Variants in FSTL4 observed in about 807,000 individuals in gnomAD.
The protein encoded by FSTL4 is follistatin like 4.
FSTL4 carries 28 observed loss-of-function variants against 78.2 expected under a neutral mutation model. The observed-to-expected ratio is 0.36, with a 90% CI of 0.27 to 0.49. The LOEUF (loss-of-function observed/expected upper bound fraction) is 0.49, where lower values mean the gene tolerates loss of function less well. Among genes scored for constraint, FSTL4 ranks in the 20% least tolerant of loss-of-function variants. The pLI, the probability that FSTL4 is intolerant of heterozygous loss-of-function variation, is 0.98. For missense variants in FSTL4, 922 were observed against 1,084.9 expected (o/e 0.85, Z 2.11); for synonymous variants, 422 against 440.5 (o/e 0.96, Z 0.53).
the FSTL4 span, among the ~76,000 whole-genome samples, chr5:133,708,352 G>A: frequency 3.3e-5 from 5 of 152,134 alleles, no homozygotes; most frequent in African/African-American, 7.2e-5. Context: ...TCCAGGACCC[G>A]CTGTGGGTGG....
chr5:133,632,608 G>T, the FSTL4 span, among the ~76,000 whole-genome samples: 2 of 152,110 alleles, frequency 1.3e-5, no homozygotes, highest in Non-Finnish European at 2.9e-5. Context: ...GTTGACAGTT[G>T]TTATTCTTTC....
At chr5:133,466,308 C>T (rs569026081) in intron 3 of FSTL4, among the ~76,000 whole-genome samples, 35 of 152,208 alleles carry the variant, frequency 2.3e-4, no homozygotes, top group East Asian at 1.5e-3. Flanking sequence ...TTTGGGAGGC[C>T]GAGGCGGGCA....
chr5:133,380,799 T>C (rs919056624), intron 4 of FSTL4, among the ~76,000 whole-genome samples: 1 of 146,276 alleles, frequency 6.8e-6, no homozygotes, highest in Non-Finnish European at 1.5e-5. Context: ...TATCCAGCAA[T>C]ATATAAAATA....
intron 14 of FSTL4, 93 bp from the exon 15 acceptor site, chr5:133,202,135 G>A: frequency 8.1e-6 from 6 of 736,658 alleles, no homozygotes; most frequent in Non-Finnish European, 1.4e-5. Flanking sequence ...CACCCCGGCA[G>A]AGGGGTGCTT....
At chr5:133,712,445 G>A in the FSTL4 span, among the ~76,000 whole-genome samples, 1 of 152,206 alleles carries the variant, frequency 6.6e-6, no homozygotes, top group South Asian at 2.1e-4. Flanking sequence ...TGATTTCAGA[G>A]CTGGGTTGAC....
chr5:133,400,920 C>T lies in FSTL4; in HGVS notation c.227G>A (p.Cys76Tyr), dbSNP rs1756207896. ...CTCCCCTGTCTTCCTGCTGAGCACGCACCGGCTCCCTCGGCTGCAGAACTT... is the reference window on the plus strand; with the variant it reads ...CTCCCCTGTCTTCCTGCTGAGCACGTACCGGCTCCCTCGGCTGCAGAACTT... Reference protein sequence around the residue: ...GKKFCSRGSRCVLSRKTGEPE... With the variant: ...GKKFCSRGSRYVLSRKTGEPE... The change falls in exon 4 of 16, where the codon TGC becomes TAC. Residue 76 changes from cysteine (C) to tyrosine (Y), a missense_variant. By Grantham distance (194) the Cys-to-Tyr change is radical. Transcript: ENST00000265342. 1 of 1,613,624 alleles carries T rather than the reference C, an allele frequency of 6.2e-7. No homozygotes were observed. Among genetic ancestry groups the T allele is most frequent in the South Asian group, 1.1e-5 (1 of 91,086 alleles).
intron 12 of FSTL4, among the ~76,000 whole-genome samples, chr5:133,218,695 T>G (rs536699129): frequency 6.6e-6 from 1 of 152,232 alleles, no homozygotes; most frequent in Non-Finnish European, 1.5e-5. Flanking sequence ...CTACAGGGTT[T>G]ATTTTCTCAT....
rs138509392 is a variant in FSTL4, at chr5:133,300,761, G to A, written c.727+11893C>T. Among the ~76,000 whole-genome samples, 357 of 152,336 alleles carry A rather than the reference G, an allele frequency of 2.3e-3. 1 individual carries two copies. The highest frequency in any genetic ancestry group is 8.0e-3 in the African/African-American group (331 of 41,566). On this transcript the variant is annotated intron_variant, in intron 6 of 15. Coordinates refer to ENST00000265342, the MANE Select transcript of FSTL4 (RefSeq NM_015082.2). ...CAGGACCAACACCAGGGCTGGAAGT[G>A]GCTCAGAAGAGGAGTCTCTGGAGGT...
At chr5:133,707,692 A>G in the FSTL4 span, among the ~76,000 whole-genome samples, 1 of 152,092 alleles carries the variant, frequency 6.6e-6, no homozygotes, top group Non-Finnish European at 1.5e-5. Flanking sequence ...ACCTTTCTTC[A>G]GAGGAGGAAG....
At chr5:133,532,140 T>C (rs1257217414) in intron 3 of FSTL4, among the ~76,000 whole-genome samples, 1 of 152,054 alleles carries the variant, frequency 6.6e-6, no homozygotes, top group Non-Finnish European at 1.5e-5. Context: ...GAAGGAGACA[T>C]GATGACAGAA....
the FSTL4 span, among the ~76,000 whole-genome samples, chr5:133,691,399 C>T: frequency 1.3e-5 from 2 of 152,188 alleles, no homozygotes; most frequent in Admixed American, 6.5e-5. Context: ...CAGATGGATG[C>T]CCCACCCAGC....
chr5:133,711,527 C>G, the FSTL4 span, among the ~76,000 whole-genome samples: 1 of 152,220 alleles, frequency 6.6e-6, no homozygotes, highest in Non-Finnish European at 1.5e-5. Flanking sequence ...TGGGAAAAGG[C>G]CACTGTTCCT....
In FSTL4 at chr5:133,204,400, C is replaced by T. The variant is rs566157975; in HGVS notation, c.1717-2358G>A. Among the ~76,000 whole-genome samples the T allele has an allele frequency of 2.0e-5, 3 of 152,292 alleles. No individual in the cohort carries two copies. In the South Asian group the frequency reaches 6.2e-4, roughly 32 times the overall value. ...AATATTAGGATATTATTTTTAATCT[C>T]TTGCAAATACAAACAATGCAGTAAC... On this transcript the variant is annotated intron_variant, in intron 14 of 15. Coordinates refer to ENST00000265342, the MANE Select transcript of FSTL4 (RefSeq NM_015082.2).
intron 4 of FSTL4, among the ~76,000 whole-genome samples, chr5:133,326,657 C>A (rs2126903475): frequency 6.6e-6 from 1 of 152,358 alleles, no homozygotes; most frequent in African/African-American, 2.4e-5. Flanking sequence ...TCAAATCTGA[C>A]TTTTCTGCCA....
intron 3 of FSTL4, among the ~76,000 whole-genome samples, chr5:133,538,892 C>A (rs1375981373): frequency 6.6e-6 from 1 of 152,108 alleles, no homozygotes; most frequent in Non-Finnish European, 1.5e-5. Flanking sequence ...GGGGGGCTAG[C>A]CAGCTGGGGG....
intron 4 of FSTL4, among the ~76,000 whole-genome samples, chr5:133,327,071 G>C (rs1343439483): frequency 6.6e-6 from 1 of 152,204 alleles, no homozygotes; most frequent in Admixed American, 6.5e-5. Flanking sequence ...GCTGGACCAC[G>C]GGGCAGACTA....
chr5:133,468,186 G>A (rs996829198), intron 3 of FSTL4, among the ~76,000 whole-genome samples: 4 of 152,214 alleles, frequency 2.6e-5, no homozygotes, highest in African/African-American at 9.6e-5. Context: ...GGGGGAGGCA[G>A]GCAGGGGGAG....
At chr5:133,757,115 A>G in the FSTL4 span, among the ~76,000 whole-genome samples, 1 of 152,172 alleles carries the variant, frequency 6.6e-6, no homozygotes, top group Non-Finnish European at 1.5e-5. Context: ...TCCTGCACAA[A>G]TGGTCTAACC....
At position 133,507,640 on chromosome 5, in the gene FSTL4, A is replaced by C. The variant is rs549649323; in HGVS notation, c.160+59546T>G. The stretch of plus-strand genomic sequence containing the variant: ...TGGGTTCAAGAGACTCTCCTGCCTC[A>C]GCCTCCCAAGTAGCTGGGATTACAG... On this transcript the variant is annotated intron_variant, in intron 3 of 15. Coordinates refer to ENST00000265342, the MANE Select transcript of FSTL4 (RefSeq NM_015082.2). Among the ~76,000 whole-genome samples, 23 of 151,208 alleles carry C rather than the reference A, an allele frequency of 1.5e-4. No individual in the cohort carries two copies. The South Asian group carries it at 4.6e-3, about 30-fold the overall frequency.
Sources: allele counts gnomAD v4.1 joint callset (sites outside exome capture counted in the v4.1 genomes callset), GRCh38; gene constraint gnomAD v4.1.1; transcripts MANE v1.5; gene names NCBI Gene and HGNC (gene_info 2026-07-23, HGNC 2026-07-21).